Variants in NECAB2 observed in about 807,000 individuals in gnomAD.
NECAB2 encodes N-terminal EF-hand calcium binding protein 2.
NECAB2 carries 68 observed loss-of-function variants against 51.9 expected under a neutral mutation model. The ratio of observed to expected loss-of-function variants is 1.31; its 90% CI spans 1.08 to 1.60. NECAB2 has a LOEUF of 1.60. Ranked by LOEUF, NECAB2 falls within the 40% of genes most tolerant of loss-of-function variation. The pLI is 0.00. For missense variants in NECAB2, 854 were observed against 490.3 expected (o/e 1.74, Z -7.00); for synonymous variants, 329 against 203.5 (o/e 1.62, Z -5.25).
chr16:83,994,720 C>T (rs1371217524), intron 8 of NECAB2, 32 bp downstream of exon 8: 4 of 1,609,808 alleles, frequency 2.5e-6, no homozygotes, highest in East Asian at 2.2e-5. Context: ...GCGTCTACTC[C>T]TTCCAACCCC....
Position 84,000,734 on chromosome 16 carries a change from G to A in NECAB2, c.973G>A (p.Val325Met), listed in dbSNP as rs148789575. 2.4e-4 allele frequency: 390 copies of A among 1,613,834 alleles called. No individual in the cohort carries two copies. In the African/African-American group the frequency reaches 3.0e-3, roughly 13 times the overall value. Residue 325 changes from valine to methionine, a missense_variant, in exon 11 of 13, where the codon GTG becomes ATG. Transcript: ENST00000305202. ...GVRNCFHITA[V>M]RLSDGFTFVI... ...CATCTCCTGTTGCAGCATCACTGCCGTGAGGCTCTCAGATGGCTTCACCTT... is the reference window on the plus strand; with the variant it reads ...CATCTCCTGTTGCAGCATCACTGCCATGAGGCTCTCAGATGGCTTCACCTT...
chr16:83,968,815 C>T lies in NECAB2; in HGVS notation c.167C>T (p.Ala56Val). ...GCCGCCCCCGCGGACCCCGGCCCAG[C>T]CTCGCCGCGCGGGGGCACCGCCGTC... Reference protein sequence around the residue: ...APAAPADPGPASPRGGTAVIL... With the variant: ...APAAPADPGPVSPRGGTAVIL... Residue 56 changes from alanine to valine, a missense_variant, in exon 1 of 13, where the codon GCC becomes GTC. Coordinates refer to ENST00000305202, the MANE Select transcript of NECAB2 (RefSeq NM_019065.3). The T allele has an allele frequency of 2.7e-6, 3 of 1,126,816 alleles. No individual in the cohort carries two copies. Among genetic ancestry groups the T allele is most frequent in the East Asian group, 4.7e-5 (1 of 21,108 alleles). 69.8% of individuals were successfully genotyped at this position (1,126,816 alleles called of 1,614,324 possible). A position where few individuals can be genotyped will look rare whatever the true frequency, so the allele number is the denominator to read the frequency against.
In NECAB2 at chr16:83,978,411, C is replaced by T. The variant is rs751446973; in HGVS notation, c.227-33C>T. 6.9e-6 allele frequency: 11 copies of T among 1,584,550 alleles called. No individual in the cohort carries two copies. In the East Asian group the frequency reaches 2.2e-4, roughly 32 times the overall value. Reference sequence around the variant, plus strand: ...GCCCCACCAGCCTTATCTCTGCAGACACCAGCTCCTTTCTCTGCTTCCTTC... The same window carrying T: ...GCCCCACCAGCCTTATCTCTGCAGATACCAGCTCCTTTCTCTGCTTCCTTC... On this transcript the variant is annotated intron_variant, in intron 2 of 12. Transcript: ENST00000305202.
chr16:83,972,049 C>G, intron 1 of NECAB2, 102 bp from the exon 2 acceptor site: 1 of 1,505,622 alleles, frequency 6.6e-7, no homozygotes, highest in East Asian at 2.3e-5. Flanking sequence ...GGACCCTAAG[C>G]TGCTCCTGGG....
chr16:83,981,227 G>A, intron 5 of NECAB2, 100 bp downstream of exon 5: 5 of 1,085,730 alleles, frequency 4.6e-6, no homozygotes, highest in Non-Finnish European at 6.9e-6. Context: ...AGGCCGCCAG[G>A]GAGGCCTATC....
intron 1 of NECAB2, chr16:83,971,807 G>C (rs913271095): frequency 6.4e-6 from 3 of 466,508 alleles, no homozygotes; most frequent in East Asian, 8.0e-5. Flanking sequence ...GTTGTGTGCA[G>C]CTGAGCGTTT....
upstream of NECAB2, among the ~76,000 whole-genome samples, chr16:83,967,471 TGGGAGGGAGGG>T (rs2084295023): frequency 7.0e-4 from 3 of 4,292 alleles, no homozygotes; most frequent in African/African-American, 9.4e-4. Flanking sequence ...GATGGATGGA[TGGGAGGGAGGG>T]GGGTGGGTGG....
upstream of NECAB2, chr16:83,965,849 C>T: frequency 6.2e-7 from 1 of 1,613,004 alleles, no homozygotes; most frequent in Non-Finnish European, 8.5e-7. Context: ...CAAGAGGAAC[C>T]CCATTGACGT....
intron 2 of NECAB2, among the ~76,000 whole-genome samples, chr16:83,977,458 C>G (rs1254562957): frequency 6.6e-6 from 1 of 152,144 alleles, no homozygotes; most frequent in Non-Finnish European, 1.5e-5. Flanking sequence ...CCAATCTGAT[C>G]CAAACCCACA....
upstream of NECAB2, chr16:83,965,558 C>G (rs763050729): frequency 6.2e-7 from 1 of 1,612,898 alleles, no homozygotes; most frequent in South Asian, 1.1e-5. Context: ...GTTCAACCAG[C>G]TGCCCAAGAT....
At chr16:83,972,048 G>A in intron 1 of NECAB2, 103 bp from the exon 2 acceptor site, 1 of 1,503,824 alleles carries the variant, frequency 6.6e-7, no homozygotes, top group Non-Finnish European at 9.1e-7. Context: ...AGGACCCTAA[G>A]CTGCTCCTGG....
At chr16:83,998,581 C>G (rs1034591577) in intron 10 of NECAB2, among the ~76,000 whole-genome samples, 26 of 152,298 alleles carry the variant, frequency 1.7e-4, no homozygotes, top group Middle Eastern at 3.4e-3. Flanking sequence ...CTGGGGTGAT[C>G]ATGAGTGCAT....
At chr16:83,996,676 G>A (rs1220269404) in intron 8 of NECAB2, among the ~76,000 whole-genome samples, 1 of 152,160 alleles carries the variant, frequency 6.6e-6, no homozygotes, top group Non-Finnish European at 1.5e-5. Flanking sequence ...TCTCTGCCGT[G>A]ACATAGTGAC....
At chr16:83,981,595 A>G (rs1270556340) in intron 5 of NECAB2, among the ~76,000 whole-genome samples, 2 of 152,128 alleles carry the variant, frequency 1.3e-5, no homozygotes, top group Admixed American at 6.6e-5. Flanking sequence ...CACCTCCACT[A>G]TCTCACAGCT....
intron 8 of NECAB2, among the ~76,000 whole-genome samples, chr16:83,996,154 G>A (rs2084695554): frequency 6.6e-6 from 1 of 152,180 alleles, no homozygotes; most frequent in Non-Finnish European, 1.5e-5. Context: ...CCCCTGGCTG[G>A]GAGAAGAATG....
intron 5 of NECAB2, among the ~76,000 whole-genome samples, chr16:83,985,584 G>T (rs1286300318): frequency 6.6e-6 from 1 of 150,890 alleles, no homozygotes; most frequent in African/African-American, 2.4e-5. Context: ...AGTGAGCCGA[G>T]ACTGCCCCAC....
At chr16:83,989,777 G>C (rs928481006) in intron 5 of NECAB2, among the ~76,000 whole-genome samples, 3 of 152,132 alleles carry the variant, frequency 2.0e-5, no homozygotes, top group African/African-American at 7.2e-5. Context: ...GGACAGAGGT[G>C]GAAATTCTGT....
chr16:83,998,703 A>T (rs930588278), intron 10 of NECAB2, among the ~76,000 whole-genome samples: 1 of 152,206 alleles, frequency 6.6e-6, no homozygotes, highest in African/African-American at 2.4e-5. Context: ...TGCACACTTA[A>T]GTCCAGGCCC....
rs746064782 is a variant in NECAB2, at chr16:83,990,521, C to A, written c.487C>A (p.Gln163Lys). 4 of 1,614,010 alleles carry A rather than the reference C, an allele frequency of 2.5e-6. No homozygotes were observed. In the Admixed American group the frequency reaches 6.7e-5, roughly 27 times the overall value. ...ATATGAGGGTGGGAGCAACGTGGACCAGTTTGTGACCCGCTTCCTCCTGAA... is the reference window on the plus strand; with the variant it reads ...ATATGAGGGTGGGAGCAACGTGGACAAGTTTGTGACCCGCTTCCTCCTGAA... The part of the protein sequence containing the change: ...KVYEGGSNVD[Q>K]FVTRFLLKET... The change falls in exon 6 of 13, where the codon CAG (glutamine) becomes AAG (lysine). Residue 163 changes from glutamine (Q) to lysine (K), a missense_variant. By Grantham distance (53) the Gln-to-Lys change is moderately conservative. Transcript: ENST00000305202.
Sources: gnomAD v4.1 joint callset for allele counts (sites outside exome capture counted in the v4.1 genomes callset) on GRCh38, gnomAD v4.1.1 for gene constraint, MANE v1.5 for transcripts, NCBI Gene and HGNC (gene_info 2026-07-23, HGNC 2026-07-21) for gene names.